Variants in TG observed in about 807,000 individuals in gnomAD.
TG encodes thyroid hormones.
Under a neutral mutation model 324.7 loss-of-function variants are expected in TG, and 270 were observed. The ratio of observed to expected loss-of-function variants is 0.83; its 90% CI spans 0.75 to 0.92. TG has a LOEUF of 0.92. Among genes scored for constraint, TG ranks in the 40% least tolerant of loss-of-function variants. The probability of loss-of-function intolerance (pLI) is 0.00; values close to 1 mark genes in which losing one functional copy is unlikely to be tolerated. For missense variants in TG, 3,591 were observed against 3,456.4 expected (o/e 1.04, Z -0.98); for synonymous variants, 1,401 against 1,327.0 (o/e 1.06, Z -1.21).
At chr8:132,978,528 G>T (rs1830443501) in intron 34 of TG, among the ~76,000 whole-genome samples, 1 of 152,152 alleles carries the variant, frequency 6.6e-6, no homozygotes, top group Non-Finnish European at 1.5e-5. Context: ...CAGCCTCAGA[G>T]AATTACACCG....
chr8:132,985,919 G>A (rs1450210695), intron 35 of TG, among the ~76,000 whole-genome samples: 2 of 151,928 alleles, frequency 1.3e-5, no homozygotes, highest in Non-Finnish European at 2.9e-5. Flanking sequence ...GGGTTTAGAT[G>A]CTTATATTCT....
At chr8:132,956,741 G>A (rs1156704486) in intron 27 of TG, among the ~76,000 whole-genome samples, 1 of 152,178 alleles carries the variant, frequency 6.6e-6, no homozygotes, top group African/African-American at 2.4e-5. Context: ...AGGTAGGTTT[G>A]TCTTTCAGGA....
At chr8:132,921,723 T>C (rs1587414503) in intron 21 of TG, among the ~76,000 whole-genome samples, 1 of 152,372 alleles carries the variant, frequency 6.6e-6, no homozygotes, top group Non-Finnish European at 1.5e-5. Flanking sequence ...TGGACCATGT[T>C]TGAGGTTCTG....
rs1834144906 is a variant in TG at position 133,007,711 on chromosome 8, CAATT to C, written c.6263-4187_6263-4184del. On this transcript the variant is annotated intron_variant, in intron 35 of 47. Coordinates refer to ENST00000220616, the MANE Select transcript of TG (RefSeq NM_003235.5). ...TATAATTTTATGATGGGATTAAAGA[CAATT>C]AAAGGCATAGGCATATATTAATGAG... 4.0e-5 allele frequency among the ~76,000 whole-genome samples: 6 copies of C among 149,066 alleles called. No homozygotes were observed. In the South Asian group the frequency reaches 1.3e-3, roughly 32 times the overall value.
In TG at chr8:133,047,735, A is replaced by G. The variant is rs1256591007; in HGVS notation, c.7239+17712A>G. The G allele has an allele frequency of 1.1e-5, 9 of 785,900 alleles. No individual in the cohort carries two copies. In the South Asian group the frequency reaches 1.2e-4, roughly 11 times the overall value. 48.7% of individuals were successfully genotyped at this position (785,900 alleles called of 1,614,324 possible). A position where few individuals can be genotyped will look rare whatever the true frequency, so the allele number is the denominator to read the frequency against. On this transcript the variant is annotated intron_variant, in intron 41 of 47. Coordinates refer to ENST00000220616, the MANE Select transcript of TG (RefSeq NM_003235.5). Reference sequence around the variant, plus strand: ...ACATTGGATCAATTTGCATGGACGTAGGAGGAAGGAAAATGAAGCCGTGTA... The same window carrying G: ...ACATTGGATCAATTTGCATGGACGTGGGAGGAAGGAAAATGAAGCCGTGTA...
At chr8:132,989,027 A>G (rs2130748099) in intron 35 of TG, 1 of 349,010 alleles carries the variant, frequency 2.9e-6, no homozygotes, top group African/African-American at 2.2e-5. Flanking sequence ...GGCAGAAGGC[A>G]AGGAGGAACA....
intron 10 of TG, 110 bp from the exon 11 acceptor site, chr8:132,893,580 G>T (rs1563920161): frequency 1.4e-6 from 2 of 1,406,748 alleles, no homozygotes; most frequent in Non-Finnish European, 2.0e-6. Flanking sequence ...GTGTGTGTGT[G>T]GTGTGTGTGT....
At chr8:132,891,619 A>G (rs985026213) in intron 10 of TG, among the ~76,000 whole-genome samples, 3 of 152,182 alleles carry the variant, frequency 2.0e-5, no homozygotes, top group Non-Finnish European at 4.4e-5. Context: ...ACAGGCATGA[A>G]CCACTGCATC....
intron 45 of TG, among the ~76,000 whole-genome samples, chr8:133,124,778 CAAAGCTGT>C (rs1233997663): frequency 1.3e-5 from 2 of 152,132 alleles, no homozygotes; most frequent in Non-Finnish European, 2.9e-5. Context: ...CCCTGGAAAA[CAAAGCTGT>C]AAATTCTAGA....
chr8:133,040,125 C>A lies in TG; in HGVS notation c.7239+10102C>A, dbSNP rs756663051. ...GTGAGCACACAGCACAGGCCATCAG[C>A]CACCTCTGAGGAGGGAAGCAGACAG... On this transcript the variant is annotated intron_variant, in intron 41 of 47. Coordinates refer to ENST00000220616, the MANE Select transcript of TG (RefSeq NM_003235.5). 4 of 1,577,830 alleles carry A rather than the reference C, an allele frequency of 2.5e-6. No individual in the cohort carries two copies. The South Asian group carries it at 4.7e-5, about 18-fold the overall frequency.
chr8:132,888,076 G>C lies in TG; in HGVS notation c.2269G>C (p.Asp757His), dbSNP rs750438327. ...CTCCAGCATGCTACCCACCCTTTCC[G>C]ACACCTACATCCCACAGTGCAGCAC... ...SNSSMLPTLS[D>H]TYIPQCSTDG... The change falls in exon 10 of 48, where the codon GAC (aspartate) becomes CAC (histidine). Residue 757 changes from aspartate to histidine, a missense_variant. Asp to His is a moderately conservative substitution (Grantham distance 81). Transcript: ENST00000220616. 1.2e-6 allele frequency: 2 copies of C among 1,613,916 alleles called. No individual in the cohort carries two copies. The highest frequency in any genetic ancestry group is 1.7e-6 in the Non-Finnish European group (2 of 1,180,022).
chr8:133,082,306 A>T (rs1845870276), intron 41 of TG, among the ~76,000 whole-genome samples: 1 of 152,200 alleles, frequency 6.6e-6, no homozygotes, highest in Admixed American at 6.5e-5. Flanking sequence ...TAGCTTTGGC[A>T]CTTTGCATGA....
At chr8:133,042,303 A>C (rs1022100361) in intron 41 of TG, among the ~76,000 whole-genome samples, 3 of 152,096 alleles carry the variant, frequency 2.0e-5, no homozygotes, top group Non-Finnish European at 2.9e-5. Flanking sequence ...GGCTCATCAG[A>C]ATGCACACTC....
chr8:132,998,905 G>C (rs896706758), intron 35 of TG, among the ~76,000 whole-genome samples: 5 of 152,162 alleles, frequency 3.3e-5, no homozygotes, highest in Non-Finnish European at 7.4e-5. Context: ...TCCCTAAGAT[G>C]ATGAAACCAC....
rs561673502 is a variant in TG, at chr8:133,122,258, G to C, written c.7862+5542G>C. On this transcript the variant is annotated intron_variant, in intron 45 of 47. Transcript: ENST00000220616. The stretch of plus-strand genomic sequence containing the variant: ...TTGAGGGCAAACTTCTATGGGGAAA[G>C]AATAGGCATAACAGATGGAGAGGAG... Among the ~76,000 whole-genome samples, 3 of 152,318 alleles carry C rather than the reference G, an allele frequency of 2.0e-5. No individual in the cohort carries two copies. The South Asian group carries it at 6.2e-4, about 32-fold the overall frequency.
chr8:133,098,614 GAA>G (rs1174260298), intron 43 of TG, among the ~76,000 whole-genome samples: 1 of 152,200 alleles, frequency 6.6e-6, no homozygotes, highest in Non-Finnish European at 1.5e-5. Context: ...TTCGACTTTT[GAA>G]AGAGAGGAAG....
chr8:132,881,772 A>G, intron 5 of TG, 91 bp from the exon 6 acceptor site: 1 of 852,104 alleles, frequency 1.2e-6, no homozygotes, highest in East Asian at 2.4e-5. Context: ...CCTTTTCACT[A>G]GGCGTGGACT....
At chr8:132,877,682 A>G (rs1563895900) in intron 5 of TG, among the ~76,000 whole-genome samples, 1 of 152,222 alleles carries the variant, frequency 6.6e-6, no homozygotes. Flanking sequence ...TAATCTGAGC[A>G]TAAACTCAGA....
intron 41 of TG, chr8:133,072,863 G>T (rs778556322): frequency 6.6e-6 from 1 of 152,150 alleles, no homozygotes; most frequent in Non-Finnish European, 1.5e-5. Flanking sequence ...TCAGAGGGAG[G>T]AACAAGCAGA....
Sources: gnomAD v4.1 joint callset for allele counts (sites outside exome capture counted in the v4.1 genomes callset) on GRCh38, gnomAD v4.1.1 for gene constraint, MANE v1.5 for transcripts, NCBI Gene and HGNC (gene_info 2026-07-23, HGNC 2026-07-21) for gene names.